The following UNC5C variants were observed in gnomAD, a reference collection of about 807,000 sequenced individuals.
The protein encoded by UNC5C is netrin receptor UNC5C.
Under a neutral mutation model 99.8 loss-of-function variants are expected in UNC5C, and 47 were observed. The observed-to-expected ratio is 0.47, with a 90% CI of 0.37 to 0.60. UNC5C has a LOEUF of 0.60. Among genes scored for constraint, UNC5C ranks in the 20% least tolerant of loss-of-function variants. UNC5C has a pLI of 0.00. For missense variants in UNC5C, 1,062 were observed against 1,165.9 expected (o/e 0.91, Z 1.30); for synonymous variants, 487 against 452.2 (o/e 1.08, Z -0.98).
At chr4:95,527,024 T>A (rs1722513565) in intron 1 of UNC5C, among the ~76,000 whole-genome samples, 1 of 152,178 alleles carries the variant, frequency 6.6e-6, no homozygotes, top group East Asian at 1.9e-4. Context: ...TAGGATAAAG[T>A]TTCAAGTTAA....
At chr4:95,400,770 T>G (rs1199498352) in intron 1 of UNC5C, among the ~76,000 whole-genome samples, 3 of 152,160 alleles carry the variant, frequency 2.0e-5, no homozygotes, top group Non-Finnish European at 4.4e-5. Context: ...CCACCCTGGG[T>G]TGAGCCTCGA....
chr4:95,261,057 T>C (rs1740204224), intron 4 of UNC5C, among the ~76,000 whole-genome samples: 1 of 152,148 alleles, frequency 6.6e-6, no homozygotes, highest in Admixed American at 6.5e-5. Flanking sequence ...CTGGACTCTT[T>C]TCTGTCCATA....
chr4:95,435,369 GTT>G (rs1003014894), intron 1 of UNC5C, among the ~76,000 whole-genome samples: 89 of 151,984 alleles, frequency 5.9e-4, no homozygotes, highest in Non-Finnish European at 7.9e-4. Context: ...CCACAGCTAG[GTT>G]CACCGTCTTC....
intron 1 of UNC5C, among the ~76,000 whole-genome samples, chr4:95,501,608 G>A (rs1211560397): frequency 6.6e-6 from 1 of 152,106 alleles, no homozygotes; most frequent in East Asian, 1.9e-4. Flanking sequence ...TATTACATGT[G>A]TATGGATTAG....
At chr4:95,208,909 G>A (rs554775705) in intron 10 of UNC5C, among the ~76,000 whole-genome samples, 1 of 152,184 alleles carries the variant, frequency 6.6e-6, no homozygotes, top group African/African-American at 2.4e-5. Context: ...GGGTACCCTC[G>A]TTGAACACTC....
intron 1 of UNC5C, among the ~76,000 whole-genome samples, chr4:95,536,754 C>T (rs928246203): frequency 1.3e-5 from 2 of 152,040 alleles, no homozygotes; most frequent in African/African-American, 4.8e-5. Flanking sequence ...AAATCAAAGC[C>T]CATGGCTTGA....
chr4:95,317,436 G>A (rs754125113), intron 2 of UNC5C, among the ~76,000 whole-genome samples: 4 of 152,000 alleles, frequency 2.6e-5, no homozygotes, highest in Admixed American at 6.6e-5. Flanking sequence ...AAGTGTGTGC[G>A]TGTGTGTGCA....
At chr4:95,420,965 C>T (rs1220665921) in intron 1 of UNC5C, among the ~76,000 whole-genome samples, 1 of 152,136 alleles carries the variant, frequency 6.6e-6, no homozygotes, top group Admixed American at 6.5e-5. Flanking sequence ...AGATCTGCTA[C>T]CTATTAGAAT....
intron 2 of UNC5C, among the ~76,000 whole-genome samples, chr4:95,333,755 A>G (rs1743220525): frequency 6.6e-6 from 1 of 152,104 alleles, no homozygotes; most frequent in South Asian, 2.1e-4. Flanking sequence ...TCTATTTATA[A>G]TCTTCCTATA....
intron 4 of UNC5C, among the ~76,000 whole-genome samples, chr4:95,271,664 A>G (rs537372935): frequency 1.3e-5 from 2 of 152,354 alleles, no homozygotes; most frequent in South Asian, 4.1e-4. Context: ...ATCATTAAAT[A>G]AACCCATAAA....
intron 2 of UNC5C, among the ~76,000 whole-genome samples, chr4:95,304,716 G>A (rs567308497): frequency 1.3e-5 from 2 of 152,238 alleles, no homozygotes; most frequent in African/African-American, 4.8e-5. Flanking sequence ...TCACCAAAGG[G>A]CTGATAAATT....
chr4:95,378,608 A>G (rs1252999415), intron 1 of UNC5C, among the ~76,000 whole-genome samples: 1 of 152,190 alleles, frequency 6.6e-6, no homozygotes, highest in Non-Finnish European at 1.5e-5. Flanking sequence ...ATGGCATACC[A>G]TAGATCTCCA....
chr4:95,174,873 A>G (rs1172417169), intron 14 of UNC5C, among the ~76,000 whole-genome samples: 2 of 149,904 alleles, frequency 1.3e-5, no homozygotes, highest in South Asian at 2.1e-4. Flanking sequence ...AATGTGTGGG[A>G]GTCTAAGTCT....
chr4:95,325,386 A>G (rs915711744), intron 2 of UNC5C, among the ~76,000 whole-genome samples: 1 of 151,366 alleles, frequency 6.6e-6, no homozygotes, highest in Non-Finnish European at 1.5e-5. Context: ...TCAAAGAGCT[A>G]TATATTAAAG....
At chr4:95,177,138 T>G (rs1442896694) in intron 14 of UNC5C, among the ~76,000 whole-genome samples, 1 of 152,156 alleles carries the variant, frequency 6.6e-6, no homozygotes, top group Non-Finnish European at 1.5e-5. Context: ...CTGCGCCCAC[T>G]GTCTGGCACT....
At chr4:95,538,499 CCCTCAT>C (rs1722834303) in intron 1 of UNC5C, among the ~76,000 whole-genome samples, 2 of 152,132 alleles carry the variant, frequency 1.3e-5, no homozygotes, top group Non-Finnish European at 2.9e-5. Flanking sequence ...CAGGCAACCT[CCCTCAT>C]TAGGATTTAG....
intron 1 of UNC5C, among the ~76,000 whole-genome samples, chr4:95,396,156 A>G (rs1745502709): frequency 6.6e-6 from 1 of 152,220 alleles, no homozygotes; most frequent in Non-Finnish European, 1.5e-5. Flanking sequence ...TTCAGAAGCT[A>G]CAGGGGAAGA....
At chr4:95,295,525 A>C (rs980490338) in intron 3 of UNC5C, among the ~76,000 whole-genome samples, 3 of 152,240 alleles carry the variant, frequency 2.0e-5, no homozygotes, top group African/African-American at 7.2e-5. Flanking sequence ...AAGCAAGCTT[A>C]AATACATAAA....
At chr4:95,242,703 A>G in intron 6 of UNC5C, 110 bp from the exon 7 acceptor site, 1 of 1,182,786 alleles carries the variant, frequency 8.5e-7, no homozygotes. Context: ...AGCATGCCCT[A>G]CTGAGAAGCA....
Sources: allele counts gnomAD v4.1 joint callset (sites outside exome capture counted in the v4.1 genomes callset), GRCh38; gene constraint gnomAD v4.1.1; transcripts MANE v1.5; gene names NCBI Gene and HGNC (gene_info 2026-07-23, HGNC 2026-07-21).